RPTOR: variants seen among roughly 807,000 people sequenced by gnomAD.
RPTOR encodes the protein regulatory-associated protein of mTOR.
RPTOR carries 21 observed loss-of-function variants against 169.9 expected under a neutral mutation model. That is an observed-to-expected ratio of 0.12 (90% CI 0.09 to 0.18). The LOEUF is 0.18. Among genes scored for constraint, RPTOR ranks in the 10% least tolerant of loss-of-function variants. The pLI is 1.00. For missense variants in RPTOR, 1,133 were observed against 1,855.9 expected (o/e 0.61, Z 7.16); for synonymous variants, 732 against 753.2 (o/e 0.97, Z 0.46).
chr17:80,791,438 C>A lies in RPTOR; in HGVS notation c.831-12C>A. The A allele has an allele frequency of 6.2e-7, 1 of 1,611,868 alleles. No homozygotes were observed. The highest frequency in any genetic ancestry group is 8.5e-7 in the Non-Finnish European group (1 of 1,179,342). On this transcript the variant is annotated splice_polypyrimidine_tract_variant and intron_variant, in intron 6 of 33. Coordinates refer to ENST00000306801, the MANE Select transcript of RPTOR (RefSeq NM_020761.3). ...CCATTCATGCCGTTCACATTCTTTT[C>A]TTTCTCTGCAGGTTTTGCATGCAGA...
At chr17:80,854,119 A>G (rs1218298399) in intron 11 of RPTOR, among the ~76,000 whole-genome samples, 1 of 152,258 alleles carries the variant, frequency 6.6e-6, no homozygotes, top group Non-Finnish European at 1.5e-5. Flanking sequence ...AACTAAACGC[A>G]TGCAGGGCAA....
intron 21 of RPTOR, among the ~76,000 whole-genome samples, chr17:80,920,326 T>G (rs2068729861): frequency 6.6e-6 from 1 of 152,176 alleles, no homozygotes; most frequent in Non-Finnish European, 1.5e-5. Flanking sequence ...GAAAGCTCCC[T>G]CCAGGCCAAC....
intron 10 of RPTOR, among the ~76,000 whole-genome samples, chr17:80,838,294 C>G (rs2067587568): frequency 6.6e-6 from 1 of 152,210 alleles, no homozygotes; most frequent in South Asian, 2.1e-4. Context: ...GTTACACTTT[C>G]TAGCCTTTTC....
At chr17:80,573,336 A>G (rs931028864) in intron 1 of RPTOR, among the ~76,000 whole-genome samples, 3 of 152,232 alleles carry the variant, frequency 2.0e-5, no homozygotes, top group Non-Finnish European at 2.9e-5. Flanking sequence ...CACTGAGCCT[A>G]TACATCAATT....
At chr17:80,795,878 A>G (rs1384952734) in intron 7 of RPTOR, among the ~76,000 whole-genome samples, 2 of 152,076 alleles carry the variant, frequency 1.3e-5, no homozygotes, top group East Asian at 3.9e-4. Flanking sequence ...CCCGCCAGAC[A>G]CTTCTGCCTT....
At chr17:80,626,350 A>G (rs2065394160) in intron 2 of RPTOR, among the ~76,000 whole-genome samples, 1 of 52,250 alleles carries the variant, frequency 1.9e-5, no homozygotes, top group Non-Finnish European at 3.8e-5. Context: ...ACTTTATTAC[A>G]CGCCCGGCCA....
At chr17:80,629,147 C>T (rs376019756) in intron 2 of RPTOR, among the ~76,000 whole-genome samples, 19 of 147,294 alleles carry the variant, frequency 1.3e-4, no homozygotes, top group African/African-American at 4.3e-4. Context: ...GACATTGTAC[C>T]GCAGCTCTTC....
At chr17:80,727,078 G>A (rs143804582) in intron 4 of RPTOR, among the ~76,000 whole-genome samples, 3 of 152,046 alleles carry the variant, frequency 2.0e-5, no homozygotes, top group East Asian at 3.9e-4. Context: ...ATCGTGCTCC[G>A]AGAACGTGGA....
chr17:80,625,792 C>A lies in RPTOR; in HGVS notation c.264C>A (p.Ile88=). 2.5e-6 allele frequency: 4 copies of A among 1,602,148 alleles called. No individual in the cohort carries two copies. The highest frequency in any genetic ancestry group is 3.4e-6 in the Non-Finnish European group (4 of 1,170,286). The change falls in exon 2 of 34, where the codon ATC becomes ATA. Residue 88 remains isoleucine, a splice_region_variant and synonymous_variant. Coordinates refer to ENST00000306801, the MANE Select transcript of RPTOR (RefSeq NM_020761.3). Reference sequence around the variant, plus strand: ...CCTGTGCACGCTTGGAATGCTGGATCGGTGAGTATGCCTCCCTCACGCGCT... The same window carrying A: ...CCTGTGCACGCTTGGAATGCTGGATAGGTGAGTATGCCTCCCTCACGCGCT... ...TTPCARLECW[I]DPLSMGPQKA... is the part of the protein sequence containing the mutation.
intron 6 of RPTOR, among the ~76,000 whole-genome samples, chr17:80,783,040 G>A (rs1233541387): frequency 6.6e-6 from 1 of 152,194 alleles, no homozygotes. Context: ...GCTCATAAGC[G>A]TTACCTCCGT....
chr17:80,583,196 T>TTTTTTTTTTG (rs2065031593), intron 1 of RPTOR, among the ~76,000 whole-genome samples: 2 of 137,374 alleles, frequency 1.5e-5, no homozygotes, highest in African/African-American at 5.5e-5. Context: ...TTTTTTTTTT[T>TTTTTTTTTTG]TTTTTTTTTT....
At chr17:80,809,809 T>G (rs1321683561) in intron 7 of RPTOR, among the ~76,000 whole-genome samples, 1 of 152,050 alleles carries the variant, frequency 6.6e-6, no homozygotes, top group Admixed American at 6.6e-5. Context: ...GAGGTCGAGG[T>G]GGGCAGATCA....
At chr17:80,826,701 TGAA>T (rs1464729077) in intron 9 of RPTOR, among the ~76,000 whole-genome samples, 2 of 152,216 alleles carry the variant, frequency 1.3e-5, no homozygotes, top group African/African-American at 4.8e-5. Flanking sequence ...GGATGAAGAC[TGAA>T]GAAGAACCAG....
chr17:80,595,205 C>G (rs1232785768), intron 1 of RPTOR, among the ~76,000 whole-genome samples: 1 of 152,168 alleles, frequency 6.6e-6, no homozygotes, highest in Non-Finnish European at 1.5e-5. Context: ...TTTGGGGTTT[C>G]TACTGCAGTG....
intron 17 of RPTOR, among the ~76,000 whole-genome samples, chr17:80,890,515 T>C (rs55685510): frequency 0.018 from 2,136 of 117,510 alleles, 54 homozygotes; most frequent in African/African-American, 0.065. Flanking sequence ...CACTGGGCCA[T>C]GGCCCTTGGT....
chr17:80,866,894 G>T (rs1487297162), intron 13 of RPTOR, among the ~76,000 whole-genome samples: 2 of 152,144 alleles, frequency 1.3e-5, no homozygotes, highest in East Asian at 3.8e-4. Context: ...AGTGGAATTT[G>T]TAGTGAAAAC....
intron 9 of RPTOR, among the ~76,000 whole-genome samples, chr17:80,827,149 T>C: frequency 6.6e-6 from 1 of 152,200 alleles, no homozygotes; most frequent in Non-Finnish European, 1.5e-5. Context: ...GAAAACCTCA[T>C]TCACAGATTA....
intron 5 of RPTOR, among the ~76,000 whole-genome samples, chr17:80,732,350 G>C (rs2066399847): frequency 6.6e-6 from 1 of 152,122 alleles, no homozygotes; most frequent in Admixed American, 6.5e-5. Flanking sequence ...AGCACCTCCA[G>C]CTCATGCATA....
rs1041848637 is a variant in RPTOR at position 80,609,668 on chromosome 17, C to T, written c.163-16023C>T. 3.3e-5 allele frequency among the ~76,000 whole-genome samples: 5 copies of T among 152,000 alleles called. No individual in the cohort carries two copies. The highest frequency in any genetic ancestry group is 7.4e-5 in the Non-Finnish European group (5 of 68,006). On this transcript the variant is annotated intron_variant, in intron 1 of 33. Transcript: ENST00000306801. This position sits in a 1 kb window ranked among gnomAD's most constrained non-coding sequence, Gnocchi z 4.8. ...GCTGAGGCATGAGAATCGCTTGAAC[C>T]CAGGAGGTGGAGGTTGCAGTGAGCT...
Sources: gnomAD v4.1 joint callset for allele counts (sites outside exome capture counted in the v4.1 genomes callset) on GRCh38, gnomAD v4.1.1 for gene constraint, Gnocchi (gnomAD v3.1) non-coding constraint, MANE v1.5 for transcripts, NCBI Gene and HGNC (gene_info 2026-07-23, HGNC 2026-07-21) for gene names.